Variants in SLC15A1 observed in about 807,000 individuals in gnomAD.
The protein encoded by SLC15A1 is Caco-2 oligopeptide transporter.
SLC15A1 carries 83 observed loss-of-function variants against 92.9 expected under a neutral mutation model. The ratio of observed to expected loss-of-function variants is 0.89; its 90% confidence interval spans 0.75 to 1.07. SLC15A1 has a LOEUF of 1.07. Among genes scored for constraint, SLC15A1 ranks in the 50% least tolerant of loss-of-function variants. The probability of loss-of-function intolerance (pLI) is 0.00; values close to 1 mark genes in which losing one functional copy is unlikely to be tolerated. For synonymous variants in SLC15A1, 322 were observed against 318.2 expected (o/e 1.01, Z -0.13); for missense variants, 857 against 880.1 (o/e 0.97, Z 0.33).
At chr13:98,694,234 G>C (rs1002375801) in intron 18 of SLC15A1, among the ~76,000 whole-genome samples, 6 of 152,004 alleles carry the variant, frequency 3.9e-5, no homozygotes, top group African/African-American at 1.4e-4. Flanking sequence ...TGAAAAACAA[G>C]CATTGAAATG....
intron 1 of SLC15A1, among the ~76,000 whole-genome samples, chr13:98,746,225 G>A (rs1483392480): frequency 1.1e-4 from 16 of 152,148 alleles, no homozygotes; most frequent in South Asian, 8.3e-4. Flanking sequence ...TTATTGCTGC[G>A]TAGTATTCCG....
intron 16 of SLC15A1, among the ~76,000 whole-genome samples, chr13:98,704,766 A>G (rs1359835480): frequency 6.6e-6 from 1 of 152,240 alleles, no homozygotes. Context: ...CAGCCCTGGT[A>G]AAAATCAATA....
intron 1 of SLC15A1, among the ~76,000 whole-genome samples, chr13:98,746,184 T>A (rs2088491600): frequency 6.6e-6 from 1 of 152,244 alleles, no homozygotes; most frequent in South Asian, 2.1e-4. Flanking sequence ...TCCATCCATG[T>A]TCCTATAAAG....
At position 98,719,328 on chromosome 13, in the gene SLC15A1, G is replaced by T; in HGVS notation, c.557-8C>A. On this transcript the variant is annotated splice_polypyrimidine_tract_variant and splice_region_variant and intron_variant, in intron 7 of 22. Transcript: ENST00000376503. ...GAATTCCACATTGTTGAACTGGGGA[G>T]AAATGACAAGATTAAAATTGTTATG... The T allele has an allele frequency of 6.2e-7, 1 of 1,602,690 alleles. No individual in the cohort carries two copies.
At chr13:98,746,296 T>C (rs2139614668) in intron 1 of SLC15A1, among the ~76,000 whole-genome samples, 1 of 152,342 alleles carries the variant, frequency 6.6e-6, no homozygotes, top group African/African-American at 2.4e-5. Context: ...GTTGCTTCTA[T>C]GTCTTTGCTA....
intron 18 of SLC15A1, among the ~76,000 whole-genome samples, chr13:98,695,131 C>G (rs4772124): frequency 0.55 from 83,182 of 151,842 alleles, 23,414 homozygotes; most frequent in Non-Finnish European, 0.61. Flanking sequence ...ATGCAGGACA[C>G]TCACTTTCCT....
At chr13:98,719,885 C>T (rs879749362) in intron 7 of SLC15A1, among the ~76,000 whole-genome samples, 56 of 152,230 alleles carry the variant, frequency 3.7e-4, no homozygotes, top group African/African-American at 1.3e-3. Flanking sequence ...TTTCTGGATT[C>T]GGCCCATGGG....
chr13:98,712,073 A>G (rs980200249), intron 10 of SLC15A1, 130 bp from the exon 11 acceptor site: 1 of 660,340 alleles, frequency 1.5e-6, no homozygotes, highest in African/African-American at 1.8e-5. Flanking sequence ...GAGGTGATTA[A>G]TCCAAAACAT....
At chr13:98,734,267 A>G (rs537111185) in intron 1 of SLC15A1, among the ~76,000 whole-genome samples, 1 of 152,220 alleles carries the variant, frequency 6.6e-6, no homozygotes, top group Non-Finnish European at 1.5e-5. Context: ...ACCCAGCCTT[A>G]GATCTGGTTA....
At chr13:98,721,371 A>C (rs1380813079) in intron 7 of SLC15A1, 124 bp downstream of exon 7, 2 of 745,988 alleles carry the variant, frequency 2.7e-6, no homozygotes, top group Non-Finnish European at 2.4e-6. Context: ...TCCAACGTGC[A>C]TCCCAGCATG....
At chr13:98,744,102 A>T (rs548072011) in intron 1 of SLC15A1, among the ~76,000 whole-genome samples, 1 of 152,210 alleles carries the variant, frequency 6.6e-6, no homozygotes, top group East Asian at 1.9e-4. Context: ...TTAGCCAGGC[A>T]TAGTGGCACG....
intron 1 of SLC15A1, among the ~76,000 whole-genome samples, chr13:98,728,857 T>C (rs1014713119): frequency 6.6e-6 from 1 of 151,314 alleles, no homozygotes; most frequent in Non-Finnish European, 1.5e-5. Context: ...GGCACACGCC[T>C]GTAATCCCAG....
intron 11 of SLC15A1, among the ~76,000 whole-genome samples, chr13:98,711,382 G>A (rs2088161641): frequency 6.6e-6 from 1 of 152,166 alleles, no homozygotes; most frequent in South Asian, 2.1e-4. Context: ...GTAGGTCCCT[G>A]CTTGGAGAGG....
At chr13:98,718,416 C>T (rs2088228836) in intron 8 of SLC15A1, among the ~76,000 whole-genome samples, 1 of 146,790 alleles carries the variant, frequency 6.8e-6, no homozygotes, top group South Asian at 2.2e-4. Context: ...ACCTCCCAGG[C>T]TCAAGCAATC....
In SLC15A1 at chr13:98,709,626, G is replaced by C; in HGVS notation, c.1013C>G (p.Pro338Arg). The part of the protein sequence containing the change: ...VNAILIVIMV[P>R]IFDAVLYPLI... ...AGGGTACAGCACAGCATCGAAGATC[G>C]GGACCATGATCACGATCAGGATGGC... is the stretch of plus-strand genomic sequence containing the variant. Residue 338 changes from proline (P) to arginine (R), a missense_variant, in exon 14 of 23, where the codon CCG (proline) becomes CGG (arginine). Physicochemically the swap from Pro to Arg is moderately radical, Grantham distance 103. Transcript: ENST00000376503. 6.2e-7 allele frequency: 1 copy of C among 1,614,138 alleles called. No homozygotes were observed. The highest frequency in any genetic ancestry group is 8.5e-7 in the Non-Finnish European group (1 of 1,180,030).
In SLC15A1 at chr13:98,684,149, T is replaced by TG. The variant is rs2087910426; in HGVS notation, c.*574dup. ...GATAGGGAAGATGACCAATGTGGGG[T>TG]GGGCTCACAGTACTCTAAGACAGTG... On this transcript the variant is annotated 3_prime_UTR_variant, in exon 23 of 23. Transcript: ENST00000376503. The TG allele has an allele frequency of 6.6e-6, 1 of 152,150 alleles. No individual in the cohort carries two copies. The highest frequency in any genetic ancestry group is 2.4e-5 in the African/African-American group (1 of 41,406). The allele number at this position is 152,150 out of a possible 1,614,324, so 9.4% of individuals were successfully genotyped here. A position where few individuals can be genotyped will look rare whatever the true frequency, so the allele number is the denominator to read the frequency against.
At chr13:98,685,286 C>T (rs2087921007) in intron 22 of SLC15A1, among the ~76,000 whole-genome samples, 2 of 152,186 alleles carry the variant, frequency 1.3e-5, no homozygotes, top group Admixed American at 1.3e-4. Flanking sequence ...TGCTGAACTC[C>T]AGCAAGTTAA....
chr13:98,747,435 C>A (rs1042141304), intron 1 of SLC15A1, among the ~76,000 whole-genome samples: 5 of 152,178 alleles, frequency 3.3e-5, no homozygotes, highest in Non-Finnish European at 7.3e-5. Flanking sequence ...CACCAGGCCC[C>A]CAGTCATCAG....
At chr13:98,701,688 TGAGACA>T (rs2088068785) in intron 18 of SLC15A1, among the ~76,000 whole-genome samples, 1 of 138,570 alleles carries the variant, frequency 7.2e-6, no homozygotes, top group Non-Finnish European at 1.5e-5. Flanking sequence ...TTTTTTTTTT[TGAGACA>T]GAGTCTTGCT....
Sources: allele counts gnomAD v4.1 joint callset (sites outside exome capture counted in the v4.1 genomes callset), GRCh38; gene constraint gnomAD v4.1.1; transcripts MANE v1.5; gene names NCBI Gene and HGNC (gene_info 2026-07-23, HGNC 2026-07-21).